The following ITIH6 variants were observed in gnomAD, a reference collection of about 807,000 sequenced individuals.
ITIH6 encodes inter-alpha-trypsin inhibitor heavy chain H6.
ITIH6 carries 60 observed loss-of-function variants against 58.2 expected under a neutral mutation model. The observed-to-expected ratio is 1.03, with a 90% CI of 0.84 to 1.28. The LOEUF (loss-of-function observed/expected upper bound fraction) is 1.28, where lower values mean the gene tolerates loss of function less well. Among genes scored for constraint, ITIH6 ranks in the 50% most tolerant of loss-of-function variants. The probability of loss-of-function intolerance (pLI) is 0.00; values close to 1 mark genes in which losing one functional copy is unlikely to be tolerated. For missense variants in ITIH6, 1,290 were observed against 1,021.1 expected (o/e 1.26, Z -3.59); for synonymous variants, 493 against 417.4 (o/e 1.18, Z -2.21).
At chrX:54,782,051 G>A (rs1929159988) in intron 5 of ITIH6, among the ~76,000 whole-genome samples, 1 of 111,486 alleles carries the variant, frequency 9.0e-6, no homozygotes, top group Admixed American at 9.5e-5. Context: ...TGGACACATA[G>A]AGGGGAATAA....
chrX:54,774,585 G>C (rs1204414171), intron 5 of ITIH6, among the ~76,000 whole-genome samples: 1 of 113,139 alleles, frequency 8.8e-6, no homozygotes, highest in African/African-American at 3.2e-5. Flanking sequence ...TAACCTCCCT[G>C]TATAGAGTGA....
In ITIH6 at chrX:54,757,833, C is replaced by G; in HGVS notation, c.2241G>C (p.Gln747His). 1 of 1,211,360 alleles carries G rather than the reference C, an allele frequency of 8.3e-7. No individual in the cohort carries two copies. Among genetic ancestry groups the G allele is most frequent in the Non-Finnish European group, 1.1e-6 (1 of 895,283 alleles). The part of the protein sequence containing the change: ...LPLKPGSLSH[Q>H]NPDILPTNSR... ...AGTTCGTGGGTAATATATCAGGATT[C>G]TGGTGTGATAGAGAGCCGGGCTTCA... Residue 747 changes from glutamine (Q) to histidine (H), a missense_variant, in exon 8 of 13, where the codon CAG becomes CAC. Transcript: ENST00000218436.
chrX:54,785,171 TAG>T (rs1929219544), intron 5 of ITIH6, among the ~76,000 whole-genome samples: 1 of 99,617 alleles, frequency 1.0e-5, no homozygotes, highest in Non-Finnish European at 2.0e-5. Context: ...CTCATGGAGA[TAG>T]AGAGTAGAAG....
Position 54,759,680 on chromosome X carries a change from G to A in ITIH6, c.1075+76C>T, listed in dbSNP as rs1033898632. The A allele has an allele frequency of 1.3e-5, 11 of 825,286 alleles. No individual in the cohort carries two copies. In the East Asian group the frequency reaches 2.4e-4, roughly 18 times the overall value. The allele number at this position is 825,286 out of a possible 1,213,427, so 68.0% of individuals were successfully genotyped here. ...AACTGTGAGAGTTGAGGAGGATGGG[G>A]GAATGAAGAGAGGGTTTCAGGAATT... On this transcript the variant is annotated intron_variant, in intron 7 of 12. Transcript: ENST00000218436.
chrX:54,777,584 TG>T (rs1281264112), intron 5 of ITIH6, among the ~76,000 whole-genome samples: 1 of 111,388 alleles, frequency 9.0e-6, no homozygotes, highest in African/African-American at 3.2e-5. Flanking sequence ...ATACACCCCC[TG>T]CTTCAGGTGG....
chrX:54,783,479 T>C (rs1372790557), intron 5 of ITIH6, among the ~76,000 whole-genome samples: 1 of 112,187 alleles, frequency 8.9e-6, no homozygotes, highest in Non-Finnish European at 1.9e-5. Flanking sequence ...GATAAACAAA[T>C]GCAGGAAAGT....
At position 54,749,664 on chromosome X, in the gene ITIH6, G is replaced by C; in HGVS notation, c.*231C>G. 2.8e-6 allele frequency: 1 copy of C among 356,676 alleles called. No homozygotes were observed. The highest frequency in any genetic ancestry group is 4.9e-6 in the Non-Finnish European group (1 of 204,558). 29.4% of individuals were successfully genotyped at this position (356,676 alleles called of 1,213,427 possible). ...CTGGTGAGGAGCATGGATTTGGAGA[G>C]GGTGAGACTGGAGATGTGAAGGACC... On this transcript the variant is annotated 3_prime_UTR_variant, in exon 13 of 13. Coordinates refer to ENST00000218436, the MANE Select transcript of ITIH6 (RefSeq NM_198510.3).
At chrX:54,774,453 G>C (rs1030002307) in intron 5 of ITIH6, among the ~76,000 whole-genome samples, 2 of 113,160 alleles carry the variant, frequency 1.8e-5, no homozygotes, top group East Asian at 2.8e-4. Flanking sequence ...TGTAGCCCAG[G>C]ACTCCAAGGA....
intron 5 of ITIH6, among the ~76,000 whole-genome samples, chrX:54,782,348 C>T (rs754518327): frequency 1.8e-5 from 2 of 111,117 alleles, no homozygotes; most frequent in Non-Finnish European, 3.8e-5. Context: ...CGCAGGAGAC[C>T]GAGGTTGTGG....
chrX:54,759,565 G>A (rs902777432), intron 7 of ITIH6, among the ~76,000 whole-genome samples, 191 bp downstream of exon 7: 1 of 112,211 alleles, frequency 8.9e-6, no homozygotes, highest in Non-Finnish European at 1.9e-5. Flanking sequence ...ATGGAGAATC[G>A]GCTGTGCTCT....
At chrX:54,770,120 C>T (rs745314705) in intron 6 of ITIH6, among the ~76,000 whole-genome samples, 3 of 112,450 alleles carry the variant, frequency 2.7e-5, no homozygotes, top group African/African-American at 6.4e-5. Context: ...GCGCAATATT[C>T]GGGTGGGAGT....
rs1436084427 is a variant in ITIH6 at position 54,750,252 on chromosome X, T to C, written c.3731-146A>G. The stretch of plus-strand genomic sequence containing the variant: ...AAGACCAGAGGGAAGAGGCTTGGCA[T>C]TGTGGGAACTGTACAGGAGCCAGAT... On this transcript the variant is annotated intron_variant, in intron 12 of 12. Coordinates refer to ENST00000218436, the MANE Select transcript of ITIH6 (RefSeq NM_198510.3). 8.3e-6 allele frequency: 4 copies of C among 480,164 alleles called. No individual in the cohort carries two copies. In the South Asian group the frequency reaches 1.0e-4, roughly 12 times the overall value. The allele number at this position is 480,164 out of a possible 1,213,427, so 39.6% of individuals were successfully genotyped here. A position where few individuals can be genotyped will look rare whatever the true frequency, so the allele number is the denominator to read the frequency against.
intron 5 of ITIH6, among the ~76,000 whole-genome samples, chrX:54,775,383 C>T (rs993682724): frequency 2.7e-5 from 3 of 111,298 alleles, no homozygotes; most frequent in African/African-American, 9.8e-5. Flanking sequence ...TCATTCCATC[C>T]TACCCACCTG....
intron 5 of ITIH6, among the ~76,000 whole-genome samples, chrX:54,776,129 G>C (rs1929046190): frequency 9.1e-6 from 1 of 110,494 alleles, no homozygotes; most frequent in African/African-American, 3.3e-5. Flanking sequence ...TTGGGGGAGG[G>C]AGAGTGCAGC....
At chrX:54,778,783 A>G (rs1319737476) in intron 5 of ITIH6, among the ~76,000 whole-genome samples, 9 of 111,471 alleles carry the variant, frequency 8.1e-5, no homozygotes, top group Non-Finnish European at 3.8e-5. Context: ...AGATACAAGA[A>G]GCTACCAGAA....
intron 2 of ITIH6, among the ~76,000 whole-genome samples, chrX:54,794,574 C>T (rs1468667838): frequency 9.0e-6 from 1 of 110,703 alleles, no homozygotes; most frequent in Admixed American, 9.7e-5. Flanking sequence ...CAGCACTTCT[C>T]CCCCAAATTC....
rs1390240457 is a variant in ITIH6, at chrX:54,768,607, C to A, written c.903+5474G>T. ...GCCTGGTGGTGACAAAATCGGTCAG[C>A]ATTTGCTTGTCTGTAAAGTATTTTA... On this transcript the variant is annotated intron_variant, in intron 6 of 12. Coordinates refer to ENST00000218436, the MANE Select transcript of ITIH6 (RefSeq NM_198510.3). Among the ~76,000 whole-genome samples, 6 of 108,662 alleles carry A rather than the reference C, an allele frequency of 5.5e-5. 1 individual carries two copies. Among genetic ancestry groups the A allele is most frequent in the African/African-American group, 2.1e-4 (6 of 29,136 alleles). The allele number at this position is 108,662 out of a possible 115,157, so 94.4% of individuals were successfully genotyped here. A position where few individuals can be genotyped will look rare whatever the true frequency, so the allele number is the denominator to read the frequency against.
In ITIH6 at chrX:54,757,090, T is replaced by C; in HGVS notation, c.2984A>G (p.Glu995Gly). Residue 995 changes from glutamate (E) to glycine (G), a missense_variant, in exon 8 of 13, where the codon GAG becomes GGG. By Grantham distance (98) the Glu-to-Gly change is moderately conservative. Transcript: ENST00000218436. ...PILLPSSILP[E>G]AISLLLLPEE... ...AGGGAGAAGGAGCAGACTGATGGCC[T>C]CAGGGAGGATGCTAGAAGGCAGCAA... The C allele has an allele frequency of 8.3e-7, 1 of 1,211,380 alleles. No homozygotes were observed. The highest frequency in any genetic ancestry group is 1.1e-6 in the Non-Finnish European group (1 of 895,266).
intron 5 of ITIH6, among the ~76,000 whole-genome samples, chrX:54,782,184 A>G (rs1929162091): frequency 1.8e-5 from 2 of 111,186 alleles, no homozygotes; most frequent in Non-Finnish European, 3.8e-5. Flanking sequence ...TCAGAAACTG[A>G]GGCAGGCAGA....
Sources: gnomAD v4.1 joint callset for allele counts (sites outside exome capture counted in the v4.1 genomes callset) on GRCh38, gnomAD v4.1.1 for gene constraint, MANE v1.5 for transcripts, NCBI Gene and HGNC (gene_info 2026-07-23, HGNC 2026-07-21) for gene names.